Variants in NCOA3 observed in about 807,000 individuals in gnomAD.
NCOA3 encodes CBP-interacting protein.
NCOA3 carries 51 observed loss-of-function variants against 158.8 expected under a neutral mutation model. That is an observed-to-expected ratio of 0.32 (90% CI 0.26 to 0.41). The LOEUF (loss-of-function observed/expected upper bound fraction) is 0.41, where lower values mean the gene tolerates loss of function less well. Ranked by LOEUF, NCOA3 falls within the 10% of genes least tolerant of loss-of-function variation. NCOA3 has a pLI of 1.00. For missense variants in NCOA3, 1,510 were observed against 1,746.6 expected (o/e 0.86, Z 2.41); for synonymous variants, 537 against 592.4 (o/e 0.91, Z 1.36).
At chr20:47,557,053 T>C (rs1338625425) in intron 1 of NCOA3, among the ~76,000 whole-genome samples, 1 of 152,200 alleles carries the variant, frequency 6.6e-6, no homozygotes, top group Non-Finnish European at 1.5e-5. Flanking sequence ...ATAAACCAGC[T>C]ATTTGCTGTT....
At chr20:47,575,514 C>T (rs1226907703) in intron 1 of NCOA3, among the ~76,000 whole-genome samples, 1 of 152,152 alleles carries the variant, frequency 6.6e-6, no homozygotes, top group Non-Finnish European at 1.5e-5. Flanking sequence ...TCTTAACTGA[C>T]ATTATATTGC....
At position 47,550,112 on chromosome 20, in the gene NCOA3, C is replaced by T. The variant is rs373742163; in HGVS notation, c.-98-33071C>T. ...CTGCCAAAAGAAGTAAGAAGTCTCC[C>T]GTTTTACTGTGTTGTATTTCAATTT... On this transcript the variant is annotated intron_variant, in intron 1 of 22. Coordinates refer to ENST00000371998, the MANE Select transcript of NCOA3 (RefSeq NM_181659.3). 3.3e-5 allele frequency among the ~76,000 whole-genome samples: 5 copies of T among 151,518 alleles called. 1 individual carries two copies. The South Asian group carries it at 1.0e-3, about 32-fold the overall frequency.
intron 2 of NCOA3, among the ~76,000 whole-genome samples, chr20:47,598,246 C>CCA (rs1169210333): frequency 2.4e-5 from 2 of 84,518 alleles, no homozygotes; most frequent in Non-Finnish European, 4.5e-5. Flanking sequence ...GACTCTGTCT[C>CCA]AAAAAAAAAA....
intron 2 of NCOA3, among the ~76,000 whole-genome samples, chr20:47,586,168 C>T (rs1377686401): frequency 2.6e-5 from 4 of 152,116 alleles, no homozygotes; most frequent in African/African-American, 9.7e-5. Context: ...ATCTACCTGC[C>T]TCGGCCTCCC....
chr20:47,647,756 TTG>T (rs1427906688), intron 18 of NCOA3, among the ~76,000 whole-genome samples: 4 of 151,828 alleles, frequency 2.6e-5, no homozygotes, highest in African/African-American at 9.7e-5. Context: ...AAAACTAGAG[TTG>T]TCTTTTAATA....
intron 2 of NCOA3, among the ~76,000 whole-genome samples, chr20:47,605,166 C>G (rs879574380): frequency 2.6e-5 from 4 of 152,222 alleles, no homozygotes; most frequent in African/African-American, 9.6e-5. Flanking sequence ...ACGCCTGGCC[C>G]ATTAGTTCAC....
At chr20:47,649,146 T>C (rs1293506070) in intron 19 of NCOA3, 37 bp downstream of exon 19, 4 of 1,387,534 alleles carry the variant, frequency 2.9e-6, no homozygotes, top group Non-Finnish European at 4.0e-6. Context: ...CATTGCTCTG[T>C]GCTCAGGACA....
At position 47,532,966 on chromosome 20, in the gene NCOA3, C is replaced by T. The variant is rs1016254245; in HGVS notation, c.-99+30947C>T. Among the ~76,000 whole-genome samples the T allele has an allele frequency of 3.3e-5, 5 of 151,784 alleles. No individual in the cohort carries two copies. In the East Asian group the frequency reaches 5.8e-4, roughly 18 times the overall value. Reference sequence around the variant, plus strand: ...TACAAATACAAAAAAATTAGCCACACGTGGTGGCGGGCGCCTGTAATCCCA... The same window carrying T: ...TACAAATACAAAAAAATTAGCCACATGTGGTGGCGGGCGCCTGTAATCCCA... On this transcript the variant is annotated intron_variant, in intron 1 of 22. Coordinates refer to ENST00000371998, the MANE Select transcript of NCOA3 (RefSeq NM_181659.3).
Position 47,619,611 on chromosome 20 carries a change from C to T in NCOA3, c.-19-2618C>T, listed in dbSNP as rs187149267. On this transcript the variant is annotated intron_variant, in intron 2 of 22. Transcript: ENST00000371998. ...AGTGAGCTGAGATTGTGCCACTGCA[C>T]TTCAGCCTGGGTGACACAGTAAGAC... Among the ~76,000 whole-genome samples the T allele has an allele frequency of 2.4e-3, 349 of 145,700 alleles. 2 individuals are homozygous for T. Among genetic ancestry groups the T allele is most frequent in the African/African-American group, 8.6e-3 (338 of 39,354 alleles).
Position 47,636,766 on chromosome 20 carries a change from A to G in NCOA3, c.2376+4A>G, listed in dbSNP as rs748936982. The G allele has an allele frequency of 1.3e-6, 2 of 1,597,336 alleles. No individual in the cohort carries two copies. Among genetic ancestry groups the G allele is most frequent in the Admixed American group, 1.7e-5 (1 of 58,168 alleles). On this transcript the variant is annotated splice_donor_region_variant and intron_variant, in intron 12 of 22. Coordinates refer to ENST00000371998, the MANE Select transcript of NCOA3 (RefSeq NM_181659.3). ...TAAGACAGAGACAAGTGAAGAGGTAATTTGTTTTCTGTATATTTCAGCTCA... is the reference window on the plus strand; with the variant it reads ...TAAGACAGAGACAAGTGAAGAGGTAGTTTGTTTTCTGTATATTTCAGCTCA...
chr20:47,513,708 C>A (rs1221403193), intron 1 of NCOA3, among the ~76,000 whole-genome samples: 3 of 108,456 alleles, frequency 2.8e-5, no homozygotes, highest in African/African-American at 1.1e-4. Flanking sequence ...CCCGATGGAG[C>A]AAGACTCTGT....
chr20:47,641,286 T>TATTTCTCCAG (rs1202038740), intron 16 of NCOA3, among the ~76,000 whole-genome samples: 2 of 151,768 alleles, frequency 1.3e-5, no homozygotes, highest in African/African-American at 4.8e-5. Flanking sequence ...GTCATTTTGG[T>TATTTCTCCAG]ATTTCTCCAG....
Position 47,652,565 on chromosome 20 carries a change from A to G in NCOA3, c.4106A>G (p.Asn1369Ser), listed in dbSNP as rs776141306. Residue 1369 changes from asparagine to serine, a missense_variant, in exon 21 of 23, where the codon AAT becomes AGT. Physicochemically the swap from Asn to Ser is conservative, Grantham distance 46. Transcript: ENST00000371998. ...SSEMKGWPSG[N>S]LARNSSFSQQ... ...GAAATGAAGGGCTGGCCATCAGGAA[A>G]TTTGGCCAGGAACAGGTAAAGAACA... 6.2e-7 allele frequency: 1 copy of G among 1,608,928 alleles called. No individual in the cohort carries two copies. The highest frequency in any genetic ancestry group is 1.1e-5 in the South Asian group (1 of 90,982).
chr20:47,652,613 T>G (rs1160515909), intron 21 of NCOA3, 33 bp downstream of exon 21: 1 of 1,574,186 alleles, frequency 6.4e-7, no homozygotes, highest in African/African-American at 1.3e-5. Context: ...GTTAGTCACA[T>G]CCTAGTCCCA....
chr20:47,569,146 G>C (rs1454314808), intron 1 of NCOA3, among the ~76,000 whole-genome samples: 1 of 152,056 alleles, frequency 6.6e-6, no homozygotes, highest in African/African-American at 2.4e-5. Context: ...ACGAGTTTGA[G>C]ACCAAGCTGG....
intron 5 of NCOA3, 28 bp from the exon 6 acceptor site, chr20:47,626,974 C>T: frequency 6.3e-7 from 1 of 1,578,768 alleles, no homozygotes; most frequent in Middle Eastern, 1.8e-4. Flanking sequence ...CAGTCCATAA[C>T]AGCCTGTATT....
intron 2 of NCOA3, among the ~76,000 whole-genome samples, chr20:47,609,577 A>G (rs927967284): frequency 6.6e-6 from 1 of 152,116 alleles, no homozygotes; most frequent in African/African-American, 2.4e-5. Flanking sequence ...AAATACAAAA[A>G]AATTAGCTGG....
Position 47,655,502 on chromosome 20 carries a change from A to C in NCOA3, c.*2085A>C, listed in dbSNP as rs562025450. On this transcript the variant is annotated 3_prime_UTR_variant, in exon 23 of 23. Transcript: ENST00000371998. The stretch of plus-strand genomic sequence containing the variant: ...CAGACCCACCACCAGAGTGGATCTT[A>C]TTTTCAAAGCAGTATAGACAATTAT... The C allele has an allele frequency of 2.6e-5, 4 of 152,660 alleles. No individual in the cohort carries two copies. The South Asian group carries it at 8.3e-4, about 32-fold the overall frequency. The allele number at this position is 152,660 out of a possible 1,614,324, so 9.5% of individuals were successfully genotyped here.
At chr20:47,607,171 T>A (rs2085961243) in intron 2 of NCOA3, among the ~76,000 whole-genome samples, 2 of 152,212 alleles carry the variant, frequency 1.3e-5, no homozygotes, top group South Asian at 4.1e-4. Flanking sequence ...AGATTCCACT[T>A]TGCAACTGTA....
Sources: allele counts gnomAD v4.1 joint callset (sites outside exome capture counted in the v4.1 genomes callset), GRCh38; gene constraint gnomAD v4.1.1; transcripts MANE v1.5; gene names NCBI Gene and HGNC (gene_info 2026-07-23, HGNC 2026-07-21).